PTPRF: variants seen among roughly 807,000 people sequenced by gnomAD.
PTPRF encodes the protein receptor-type tyrosine-protein phosphatase F.
A neutral mutation model predicts 201.8 loss-of-function variants in PTPRF; 59 were observed. The ratio of observed to expected loss-of-function variants is 0.29; its 90% confidence interval spans 0.24 to 0.36. PTPRF has a LOEUF of 0.36. Among genes scored for constraint, PTPRF ranks in the 10% least tolerant of loss-of-function variants. PTPRF has a pLI of 1.00. For missense variants in PTPRF, 2,132 were observed against 2,690.5 expected (o/e 0.79, Z 4.59); for synonymous variants, 1,088 against 1,089.7 (o/e 1.00, Z 0.03).
chr1:43,559,465 A>G (rs1489009226), intron 5 of PTPRF, among the ~76,000 whole-genome samples: 1 of 150,292 alleles, frequency 6.7e-6, no homozygotes, highest in African/African-American at 2.5e-5. Context: ...TGTGTGTGTT[A>G]TCAGGCAGTA....
At chr1:43,570,332 G>A (rs1008879439) in intron 6 of PTPRF, among the ~76,000 whole-genome samples, 9 of 152,250 alleles carry the variant, frequency 5.9e-5, no homozygotes, top group Non-Finnish European at 8.8e-5. Context: ...CGTGCAGGAG[G>A]GAGGTGTCAC....
intron 3 of PTPRF, among the ~76,000 whole-genome samples, chr1:43,547,572 T>C (rs1273120224): frequency 6.6e-6 from 1 of 152,232 alleles, no homozygotes; most frequent in African/African-American, 2.4e-5. Context: ...CAGGGGCAAG[T>C]GGCCATACAC....
Position 43,537,324 on chromosome 1 carries a change from T to A in PTPRF, c.-125-874T>A, listed in dbSNP as rs1644085556. ...AGGGGCACGCCTTCATTTTAAAAAT[T>A]ATAGAGTAGAGAAAGTCAAAAATAA... is the stretch of plus-strand genomic sequence containing the variant. On this transcript the variant is annotated intron_variant, in intron 1 of 33. Coordinates refer to ENST00000359947, the MANE Select transcript of PTPRF (RefSeq NM_002840.5). The surrounding 1 kb of genome is among the most constrained non-coding windows in gnomAD (Gnocchi z 4.8). Among the ~76,000 whole-genome samples the A allele has an allele frequency of 6.6e-6, 1 of 152,178 alleles. No individual in the cohort carries two copies. The highest frequency in any genetic ancestry group is 6.5e-5 in the Admixed American group (1 of 15,284).
Position 43,603,403 on chromosome 1 carries a change from C to A in PTPRF, c.2341-13C>A. 1 of 1,610,982 alleles carries A rather than the reference C, an allele frequency of 6.2e-7. No individual in the cohort carries two copies. The highest frequency in any genetic ancestry group is 1.3e-5 in the African/African-American group (1 of 74,984). On this transcript the variant is annotated splice_polypyrimidine_tract_variant and intron_variant, in intron 14 of 33. Transcript: ENST00000359947. The surrounding 1 kb of genome is among the most constrained non-coding windows in gnomAD (Gnocchi z 5.8). ...ATTCTTGTGATGGGAACGAACCCCT[C>A]CTCCTCCCTCAGGAAACCACTATCA...
At chr1:43,557,017 C>T (rs1182854256) in intron 5 of PTPRF, among the ~76,000 whole-genome samples, 2 of 152,236 alleles carry the variant, frequency 1.3e-5, no homozygotes, top group East Asian at 1.9e-4. Flanking sequence ...TTTCCCCACT[C>T]GTGACCTGGG....
chr1:43,549,306 G>A lies in PTPRF; in HGVS notation c.91+4140G>A, dbSNP rs140293792. The stretch of plus-strand genomic sequence containing the variant: ...AGTAGCTTGGTTTGCTGCCTGCCTG[G>A]GGACCTGACACTGTGGGATCTGGTC... On this transcript the variant is annotated intron_variant, in intron 3 of 33. Transcript: ENST00000359947. 1.9e-3 allele frequency among the ~76,000 whole-genome samples: 288 copies of A among 152,308 alleles called. 3 individuals carry two copies. The highest frequency in any genetic ancestry group is 6.5e-3 in the African/African-American group (270 of 41,562).
At position 43,606,226 on chromosome 1, in the gene PTPRF, C is replaced by G; in HGVS notation, c.3484-14C>G. The G allele has an allele frequency of 1.9e-6, 3 of 1,608,258 alleles. No individual in the cohort carries two copies. The highest frequency in any genetic ancestry group is 1.7e-6 in the Non-Finnish European group (2 of 1,178,152). On this transcript the variant is annotated splice_polypyrimidine_tract_variant and intron_variant, in intron 19 of 33. Transcript: ENST00000359947. ...TCCAAGGCCCCTCATGACCCCCATG[C>G]TCTGCTCTGCCAGCTTCTAGAAGCC...
chr1:43,607,287 T>A (rs1655359764), intron 21 of PTPRF, among the ~76,000 whole-genome samples: 1 of 152,208 alleles, frequency 6.6e-6, no homozygotes, highest in Non-Finnish European at 1.5e-5. Context: ...TCCTCTTCAG[T>A]TTTAAGACAC....
upstream of PTPRF, among the ~76,000 whole-genome samples, chr1:43,524,544 G>C (rs572196739): frequency 1.1e-4 from 17 of 152,132 alleles, no homozygotes; most frequent in Non-Finnish European, 2.5e-4. Flanking sequence ...GGAGGAGAAA[G>C]TAAGCATGCA....
chr1:43,531,989 C>T (rs1643596141), intron 1 of PTPRF, among the ~76,000 whole-genome samples: 1 of 152,196 alleles, frequency 6.6e-6, no homozygotes, highest in South Asian at 2.1e-4. Flanking sequence ...ATTCTTTTTC[C>T]CCAGGTCACT....
chr1:43,556,384 C>T (rs1273228980), intron 5 of PTPRF, among the ~76,000 whole-genome samples: 1 of 152,186 alleles, frequency 6.6e-6, no homozygotes, highest in East Asian at 1.9e-4. Context: ...GCCTCAGCCT[C>T]CCAAGTAGCT....
At chr1:43,532,265 C>A (rs985425146) in intron 1 of PTPRF, among the ~76,000 whole-genome samples, 2 of 152,176 alleles carry the variant, frequency 1.3e-5, no homozygotes, top group African/African-American at 4.8e-5. Flanking sequence ...CCATTTCAAG[C>A]CCCCCTGCCC....
Position 43,617,829 on chromosome 1 carries a change from C to G in PTPRF, c.4289C>G (p.Thr1430Ser). ...YIATQGPLPE[T>S]MGDFWRMVWE... Reference sequence around the variant, plus strand: ...GCCACGCAGGGCCCCCTGCCCGAGACCATGGGTGATTTCTGGAGGATGGTG... The same window carrying G: ...GCCACGCAGGGCCCCCTGCCCGAGAGCATGGGTGATTTCTGGAGGATGGTG... Residue 1430 changes from threonine (T) to serine (S), a missense_variant, in exon 25 of 34, where the codon ACC (threonine) becomes AGC (serine). Around this residue, in one of 6 missense-constraint regions of PTPRF, gnomAD observed 22 missense variants for 48.1 expected, o/e 0.46. Coordinates refer to ENST00000359947, the MANE Select transcript of PTPRF (RefSeq NM_002840.5). 3 of 1,613,986 alleles carry G rather than the reference C, an allele frequency of 1.9e-6. No individual in the cohort carries two copies. Among genetic ancestry groups the G allele is most frequent in the Non-Finnish European group, 2.5e-6 (3 of 1,179,924 alleles).
Position 43,578,859 on chromosome 1 carries a change from G to A in PTPRF, c.618G>A (p.Glu206=). ...SSEESDQGKY[E]CVATNSAGTR... is the part of the protein sequence containing the mutation. ...AGGAATCCGACCAAGGCAAGTACGA[G>A]TGTGTGGCGACCAACTCGGCAGGCA... The change falls in exon 7 of 34, where the codon GAG becomes GAA. Residue 206 remains glutamate (E), a synonymous_variant. Coordinates refer to ENST00000359947, the MANE Select transcript of PTPRF (RefSeq NM_002840.5). 5 of 1,614,228 alleles carry A rather than the reference G, an allele frequency of 3.1e-6. No homozygotes were observed. Among genetic ancestry groups the A allele is most frequent in the Non-Finnish European group, 4.2e-6 (5 of 1,180,034 alleles).
intron 5 of PTPRF, among the ~76,000 whole-genome samples, chr1:43,562,286 T>C (rs1645859735): frequency 6.6e-6 from 1 of 152,142 alleles, no homozygotes; most frequent in African/African-American, 2.4e-5. Flanking sequence ...TTTTTTGTAT[T>C]TTTAGTAGAG....
chr1:43,610,884 A>C (rs1489187119), intron 22 of PTPRF, among the ~76,000 whole-genome samples: 2 of 152,152 alleles, frequency 1.3e-5, no homozygotes, highest in Non-Finnish European at 2.9e-5. Context: ...CAAATAAATA[A>C]AATTCTACTG....
rs972172363 is a variant in PTPRF, at chr1:43,621,915, C to A, written c.5656-20C>A. ...TGTCCACTGGCGCGACCCACACTGA[C>A]CAGCCCCCTATCCTGGCAGGACCAG... On this transcript the variant is annotated intron_variant, in intron 33 of 33. Transcript: ENST00000359947. The A allele has an allele frequency of 6.2e-7, 1 of 1,613,762 alleles. No homozygotes were observed. Among genetic ancestry groups the A allele is most frequent in the South Asian group, 1.1e-5 (1 of 91,074 alleles).
Position 43,622,285 on chromosome 1 carries a change from C to A in PTPRF, c.*282C>A. 2.1e-6 allele frequency: 1 copy of A among 467,186 alleles called. No individual in the cohort carries two copies. The highest frequency in any genetic ancestry group is 3.9e-6 in the Non-Finnish European group (1 of 259,124). The allele number at this position is 467,186 out of a possible 1,614,324, so 28.9% of individuals were successfully genotyped here. A position where few individuals can be genotyped will look rare whatever the true frequency, so the allele number is the denominator to read the frequency against. On this transcript the variant is annotated 3_prime_UTR_variant, in exon 34 of 34. Transcript: ENST00000359947. ...AGCTCTCTGTTGCGCTCCCGCATTTCTCATGCTTCTTCTCATGGGGTGGGG... is the reference window on the plus strand; with the variant it reads ...AGCTCTCTGTTGCGCTCCCGCATTTATCATGCTTCTTCTCATGGGGTGGGG...
At position 43,606,903 on chromosome 1, in the gene PTPRF, G is replaced by C. The variant is rs111705998; in HGVS notation, c.3792G>C (p.Val1264=). The change falls in exon 21 of 34, where the codon GTG becomes GTC. Residue 1264 remains valine, a synonymous_variant. Coordinates refer to ENST00000359947, the MANE Select transcript of PTPRF (RefSeq NM_002840.5). ...QQQEEPEMLW[V]TGPVLAVILI... is the part of the protein sequence containing the mutation. Reference sequence around the variant, plus strand: ...AGGAGGAGCCGGAGATGCTGTGGGTGACGGGTCCCGTGCTGGCAGTCATCC... The same window carrying C: ...AGGAGGAGCCGGAGATGCTGTGGGTCACGGGTCCCGTGCTGGCAGTCATCC... The C allele has an allele frequency of 1.9e-6, 3 of 1,614,216 alleles. No individual in the cohort carries two copies. The highest frequency in any genetic ancestry group is 2.7e-5 in the African/African-American group (2 of 75,070).
Sources: gnomAD v4.1 joint callset for allele counts (sites outside exome capture counted in the v4.1 genomes callset) on GRCh38, gnomAD v4.1.1 for gene constraint, gnomAD v4.1.1 regional missense constraint, Gnocchi (gnomAD v3.1) non-coding constraint, MANE v1.5 for transcripts, NCBI Gene and HGNC (gene_info 2026-07-23, HGNC 2026-07-21) for gene names.